Variants in MACROD2 observed in about 807,000 individuals in gnomAD.
The protein encoded by MACROD2 is ADP-ribose glycohydrolase MACROD2.
In MACROD2, 36 loss-of-function variants were observed where a neutral mutation model predicts 70.4. The observed-to-expected ratio is 0.51, with a 90% CI of 0.39 to 0.68. MACROD2 has a LOEUF of 0.68. MACROD2 is among the 30% of genes least tolerant of loss of function. The probability of loss-of-function intolerance (pLI) is 0.00; values close to 1 mark genes in which losing one functional copy is unlikely to be tolerated. For missense variants in MACROD2, 496 were observed against 538.4 expected, an observed-to-expected ratio of 0.92 and a Z score of 0.78; for synonymous variants, 172 against 178.8, an observed-to-expected ratio of 0.96 and a Z score of 0.30.
At chr20:14,420,123 G>A (rs1026889576) in intron 3 of MACROD2, among the ~76,000 whole-genome samples, 5 of 149,950 alleles carry the variant, frequency 3.3e-5, no homozygotes, top group Non-Finnish European at 7.4e-5. Flanking sequence ...TTACCATAGG[G>A]CCCATTTACC....
intron 3 of MACROD2, among the ~76,000 whole-genome samples, chr20:14,433,953 A>G (rs553340087): frequency 9.2e-5 from 14 of 152,280 alleles, no homozygotes; most frequent in Admixed American, 7.2e-4. Flanking sequence ...AAAATAAACA[A>G]TTCTTTTAAC....
At chr20:15,751,933 C>T (rs2051278021) in intron 8 of MACROD2, among the ~76,000 whole-genome samples, 2 of 151,384 alleles carry the variant, frequency 1.3e-5, no homozygotes, top group South Asian at 4.2e-4. Flanking sequence ...GAATGAGGTA[C>T]ATGGCTTCCA....
At chr20:14,073,505 C>T (rs767200427) in intron 2 of MACROD2, among the ~76,000 whole-genome samples, 23 of 151,908 alleles carry the variant, frequency 1.5e-4, no homozygotes, top group Non-Finnish European at 1.9e-4. Context: ...ATAAATTGTC[C>T]TCAAGATAAT....
chr20:14,540,394 G>A (rs182185447), intron 4 of MACROD2, among the ~76,000 whole-genome samples: 2 of 152,250 alleles, frequency 1.3e-5, no homozygotes, highest in African/African-American at 2.4e-5. Flanking sequence ...TTCACTGTGT[G>A]CTTCCAACCT....
At chr20:14,407,630 G>A (rs568026369) in intron 3 of MACROD2, among the ~76,000 whole-genome samples, 92 of 152,052 alleles carry the variant, frequency 6.1e-4, no homozygotes, top group Non-Finnish European at 1.1e-3. Flanking sequence ...AAGTAAATAT[G>A]TAATGCTTTA....
chr20:14,423,075 G>C (rs1189452555), intron 3 of MACROD2, among the ~76,000 whole-genome samples: 1 of 152,178 alleles, frequency 6.6e-6, no homozygotes, highest in African/African-American at 2.4e-5. Context: ...AGGCAGGTTA[G>C]AGCAAATGTA....
intron 3 of MACROD2, among the ~76,000 whole-genome samples, chr20:14,256,948 G>A (rs1024151492): frequency 6.6e-6 from 1 of 151,820 alleles, no homozygotes; most frequent in Non-Finnish European, 1.5e-5. Context: ...ATTATGTTTT[G>A]TGTTACACAT....
chr20:14,408,367 G>A (rs1035618499), intron 3 of MACROD2, among the ~76,000 whole-genome samples: 3 of 152,058 alleles, frequency 2.0e-5, no homozygotes, highest in African/African-American at 4.8e-5. Context: ...CATAACACTC[G>A]CTAACAGAAT....
chr20:15,342,873 G>A (rs967148401), intron 6 of MACROD2, among the ~76,000 whole-genome samples: 5 of 152,102 alleles, frequency 3.3e-5, no homozygotes, highest in African/African-American at 1.2e-4. Flanking sequence ...AAGAGCAGAG[G>A]GCGCTTTGCT....
In MACROD2 at chr20:14,262,274, A is replaced by G. The variant is rs747743035; in HGVS notation, c.271+176546A>G. Among the ~76,000 whole-genome samples, 16 of 152,182 alleles carry G rather than the reference A, an allele frequency of 1.1e-4. No individual in the cohort carries two copies. In the South Asian group the frequency reaches 1.7e-3, roughly 16 times the overall value. ...GCAATAAAGTAAGGAGAGAGAATCTACATGATGTGGTAAATGACCTAATTG... is the reference window on the plus strand; with the variant it reads ...GCAATAAAGTAAGGAGAGAGAATCTGCATGATGTGGTAAATGACCTAATTG... On this transcript the variant is annotated intron_variant, in intron 3 of 17. Coordinates refer to ENST00000684519, the MANE Select transcript of MACROD2 (RefSeq NM_001351661.2).
chr20:15,930,596 G>A (rs970838505), intron 10 of MACROD2, among the ~76,000 whole-genome samples: 3 of 152,200 alleles, frequency 2.0e-5, no homozygotes, highest in African/African-American at 4.8e-5. Flanking sequence ...CTTCTAGAAA[G>A]CATTTGCTCT....
intron 4 of MACROD2, among the ~76,000 whole-genome samples, chr20:14,664,013 T>G (rs2070708472): frequency 6.6e-6 from 1 of 152,164 alleles, no homozygotes; most frequent in Admixed American, 6.6e-5. Flanking sequence ...TATTACAATT[T>G]TAAGATCTAA....
intron 6 of MACROD2, among the ~76,000 whole-genome samples, chr20:15,405,202 G>A (rs6034177): frequency 0.04 from 6,039 of 151,418 alleles, 373 homozygotes; most frequent in African/African-American, 0.14. Context: ...ATGGAATTAG[G>A]CAGAGGTGGT....
intron 3 of MACROD2, among the ~76,000 whole-genome samples, chr20:14,214,312 CAG>C (rs1176242392): frequency 6.6e-6 from 1 of 152,086 alleles, no homozygotes; most frequent in African/African-American, 2.4e-5. Flanking sequence ...AAAACAAAAA[CAG>C]AGAGACCATG....
chr20:14,628,219 A>G (rs1984297398), intron 4 of MACROD2, among the ~76,000 whole-genome samples: 1 of 152,202 alleles, frequency 6.6e-6, no homozygotes, highest in Admixed American at 6.5e-5. Context: ...AGCTGTTGGC[A>G]TCTGTGGAGT....
chr20:15,230,415 C>T (rs774303919), intron 6 of MACROD2, among the ~76,000 whole-genome samples: 2 of 152,096 alleles, frequency 1.3e-5, no homozygotes, highest in Non-Finnish European at 2.9e-5. Context: ...GTTATGATAG[C>T]GCACATTTAA....
At chr20:15,215,571 G>A (rs1279471901) in intron 5 of MACROD2, among the ~76,000 whole-genome samples, 1 of 151,796 alleles carries the variant, frequency 6.6e-6, no homozygotes, top group African/African-American at 2.4e-5. Flanking sequence ...CATAAAATTT[G>A]TATAAAACTA....
intron 2 of MACROD2, among the ~76,000 whole-genome samples, chr20:14,079,280 C>A (rs908249824): frequency 2.6e-5 from 4 of 152,170 alleles, no homozygotes; most frequent in East Asian, 3.8e-4. Context: ...TGCTTAGATA[C>A]TTGTAGACCA....
At chr20:14,123,517 A>G (rs2054609772) in intron 3 of MACROD2, among the ~76,000 whole-genome samples, 1 of 152,174 alleles carries the variant, frequency 6.6e-6, no homozygotes, top group African/African-American at 2.4e-5. Context: ...CTTTGAAGAA[A>G]TCTTGCAGTG....
Sources: gnomAD v4.1 joint callset for allele counts (sites outside exome capture counted in the v4.1 genomes callset) on GRCh38, gnomAD v4.1.1 for gene constraint, MANE v1.5 for transcripts, NCBI Gene and HGNC (gene_info 2026-07-23, HGNC 2026-07-21) for gene names.